Variants in IPO11 observed in about 807,000 individuals in gnomAD.
The protein encoded by IPO11 is importin-11.
In IPO11, 66 loss-of-function variants were observed where a neutral mutation model predicts 143.2. The ratio of observed to expected loss-of-function variants is 0.46; its 90% CI spans 0.38 to 0.57. The LOEUF is 0.57. Among genes scored for constraint, IPO11 ranks in the 20% least tolerant of loss-of-function variants. IPO11 has a pLI of 0.00. For missense variants in IPO11, 1,026 were observed against 1,141.0 expected (o/e 0.90, Z 1.45); for synonymous variants, 385 against 377.8 (o/e 1.02, Z -0.22).
intron 19 of IPO11, 25 bp downstream of exon 19, chr5:62,506,382 A>T: frequency 7.9e-7 from 1 of 1,259,976 alleles, no homozygotes; most frequent in Non-Finnish European, 1.2e-6. Context: ...AAACATGAAA[A>T]TAAATGAGGG....
At chr5:62,539,132 C>G (rs1463866164) in intron 24 of IPO11, among the ~76,000 whole-genome samples, 2 of 152,056 alleles carry the variant, frequency 1.3e-5, no homozygotes, top group African/African-American at 4.8e-5. Context: ...AATACCACAA[C>G]CTTGGTGGCT....
intron 19 of IPO11, among the ~76,000 whole-genome samples, chr5:62,508,298 ATTTTTTTT>A (rs70981020): frequency 7.1e-5 from 9 of 127,506 alleles, no homozygotes; most frequent in Non-Finnish European, 8.3e-5. Context: ...TGCCTGGCTA[ATTTTTTTT>A]TTTTTTTTTT....
intron 20 of IPO11, among the ~76,000 whole-genome samples, chr5:62,523,704 G>A (rs1482850390): frequency 6.6e-6 from 1 of 152,194 alleles, no homozygotes; most frequent in East Asian, 1.9e-4. Flanking sequence ...AAGAAGAACT[G>A]TGTTTTAGGA....
At chr5:62,619,008 A>T (rs1746246549) in intron 29 of IPO11, among the ~76,000 whole-genome samples, 2 of 152,050 alleles carry the variant, frequency 1.3e-5, no homozygotes, top group African/African-American at 4.8e-5. Context: ...AGGCAGGTGG[A>T]TCACTTGAGG....
intron 29 of IPO11, among the ~76,000 whole-genome samples, chr5:62,612,019 G>A (rs1745942231): frequency 6.6e-6 from 1 of 152,062 alleles, no homozygotes. Flanking sequence ...CAAAATGAAT[G>A]ATATGTTGTG....
At chr5:62,461,799 A>G (rs1212366361) in intron 5 of IPO11, among the ~76,000 whole-genome samples, 2 of 152,222 alleles carry the variant, frequency 1.3e-5, no homozygotes, top group Non-Finnish European at 2.9e-5. Context: ...CTTATCTGCA[A>G]TGCTTGGGAA....
chr5:62,552,434 TATTA>T (rs1233521184), intron 26 of IPO11, among the ~76,000 whole-genome samples: 1 of 151,600 alleles, frequency 6.6e-6, no homozygotes, highest in African/African-American at 2.4e-5. Flanking sequence ...TTTATTAGCT[TATTA>T]ATTTTAATTG....
Position 62,614,918 on chromosome 5 carries a change from G to A in IPO11, c.2764-12236G>A, listed in dbSNP as rs114912523. ...TGAGCTGTATGGGGAGCTGGAAAGG[G>A]TATGGAGTGGGAAGATGATCTTTCC... On this transcript the variant is annotated intron_variant, in intron 29 of 29. Transcript: ENST00000325324. 4.7e-3 allele frequency among the ~76,000 whole-genome samples: 718 copies of A among 152,230 alleles called. 7 individuals carry two copies. Among genetic ancestry groups the A allele is most frequent in the African/African-American group, 0.017 (694 of 41,512 alleles).
At chr5:62,437,243 A>G (rs752251199) in intron 1 of IPO11, 31 bp from the exon 2 acceptor site, 5 of 1,532,794 alleles carry the variant, frequency 3.3e-6, no homozygotes, top group African/African-American at 1.4e-5. Context: ...CTTGTAATAC[A>G]TATTCAAGTA....
chr5:62,621,235 G>C (rs1316317980), intron 29 of IPO11, among the ~76,000 whole-genome samples: 1 of 152,228 alleles, frequency 6.6e-6, no homozygotes, highest in Non-Finnish European at 1.5e-5. Context: ...TCATTGTAAT[G>C]ATAATGTTGT....
intron 29 of IPO11, among the ~76,000 whole-genome samples, chr5:62,618,570 G>C (rs899619578): frequency 6.6e-5 from 10 of 152,094 alleles, no homozygotes; most frequent in African/African-American, 2.4e-4. Flanking sequence ...TAATCAAGGG[G>C]TGGAAGAATA....
At chr5:62,452,297 A>AT (rs1411173330) in intron 5 of IPO11, among the ~76,000 whole-genome samples, 1 of 151,304 alleles carries the variant, frequency 6.6e-6, no homozygotes, top group Non-Finnish European at 1.5e-5. Context: ...GTAAAAAAAA[A>AT]TGACTATAGT....
chr5:62,550,817 A>G (rs1432810161), intron 25 of IPO11, among the ~76,000 whole-genome samples: 1 of 152,054 alleles, frequency 6.6e-6, no homozygotes, highest in Non-Finnish European at 1.5e-5. Flanking sequence ...ATTTTCTAAG[A>G]ACAGCTCTCT....
intron 28 of IPO11, among the ~76,000 whole-genome samples, chr5:62,598,835 G>A (rs1256014788): frequency 2.0e-5 from 3 of 151,614 alleles, no homozygotes; most frequent in East Asian, 2.0e-4. Context: ...GTGACCCACC[G>A]CACCTGGCCC....
chr5:62,514,330 C>T (rs1308771868), intron 19 of IPO11, among the ~76,000 whole-genome samples: 1 of 152,118 alleles, frequency 6.6e-6, no homozygotes, highest in African/African-American at 2.4e-5. Context: ...GAGACTCCGT[C>T]TGCAATCCTG....
chr5:62,479,653 CATT>C (rs1426212997), intron 9 of IPO11, among the ~76,000 whole-genome samples: 1 of 152,172 alleles, frequency 6.6e-6, no homozygotes, highest in African/African-American at 2.4e-5. Context: ...GATGGTATCT[CATT>C]GTGGTTTTGA....
intron 24 of IPO11, among the ~76,000 whole-genome samples, chr5:62,540,398 T>TCTCACATTTAAACA (rs1176475628): frequency 6.6e-6 from 1 of 152,254 alleles, no homozygotes; most frequent in Non-Finnish European, 1.5e-5. Context: ...AGAGGTGATT[T>TCTCACATTTAAACA]CTCACATTTA....
chr5:62,442,829 A>G (rs1251027736), intron 2 of IPO11, among the ~76,000 whole-genome samples, 154 bp from the exon 3 acceptor site: 2 of 151,954 alleles, frequency 1.3e-5, no homozygotes, highest in Non-Finnish European at 2.9e-5. Flanking sequence ...GTGTCATTGC[A>G]CTCCAGCCTG....
chr5:62,563,045 C>G (rs1000864567), intron 27 of IPO11, among the ~76,000 whole-genome samples: 10 of 152,202 alleles, frequency 6.6e-5, no homozygotes, highest in Admixed American at 2.0e-4. Flanking sequence ...CTAGGAATGC[C>G]TCTTTTAACC....
Sources: allele counts gnomAD v4.1 joint callset (sites outside exome capture counted in the v4.1 genomes callset), GRCh38; gene constraint gnomAD v4.1.1; transcripts MANE v1.5; gene names NCBI Gene and HGNC (gene_info 2026-07-23, HGNC 2026-07-21).